Variants in U2SURP observed in about 807,000 individuals in gnomAD.
U2SURP encodes U2 snRNP associated SURP domain containing, also known as U2 snRNP-associated SURP motif-containing protein.
Under a neutral mutation model 144.9 loss-of-function variants are expected in U2SURP, and 9 were observed. The ratio of observed to expected loss-of-function variants is 0.06; its 90% confidence interval spans 0.04 to 0.11. The LOEUF is 0.11. Among genes scored for constraint, U2SURP ranks in the 10% least tolerant of loss-of-function variants. The pLI is 1.00. For missense variants in U2SURP, 724 were observed against 1,226.7 expected (o/e 0.59, Z 6.12); for synonymous variants, 408 against 396.8 (o/e 1.03, Z -0.33).
intron 1 of U2SURP, among the ~76,000 whole-genome samples, chr3:143,009,467 G>A (rs914747604): frequency 6.6e-6 from 1 of 152,160 alleles, no homozygotes; most frequent in East Asian, 1.9e-4. Context: ...GCATGGTGGT[G>A]CGTGCCTGTA....
chr3:143,013,087 CTT>C (rs893269193), intron 3 of U2SURP, among the ~76,000 whole-genome samples: 7 of 151,960 alleles, frequency 4.6e-5, no homozygotes, highest in African/African-American at 1.7e-4. Context: ...TGTAAACAAA[CTT>C]TTAAATGATT....
In U2SURP at chr3:143,056,510, T is replaced by C; in HGVS notation, c.*60T>C. 1.3e-6 allele frequency: 2 copies of C among 1,570,346 alleles called. No individual in the cohort carries two copies. The highest frequency in any genetic ancestry group is 1.7e-6 in the Non-Finnish European group (2 of 1,160,944). The stretch of plus-strand genomic sequence containing the variant: ...TGCGATTTGTTTTGTGCCTGAACGG[T>C]CTGTTTTTTAAAAAAACAAAAAATC... On this transcript the variant is annotated 3_prime_UTR_variant, in exon 28 of 28. Transcript: ENST00000473835.
intron 16 of U2SURP, among the ~76,000 whole-genome samples, chr3:143,031,166 G>A (rs1057006575): frequency 8.5e-5 from 13 of 152,180 alleles, no homozygotes; most frequent in African/African-American, 2.7e-4. Context: ...TCTTGAGATG[G>A]AATGTATTTC....
At chr3:143,011,002 T>G in intron 2 of U2SURP, 143 bp downstream of exon 2, 1 of 564,390 alleles carries the variant, frequency 1.8e-6, no homozygotes, top group Non-Finnish European at 3.0e-6. Context: ...CTAGGCGCCT[T>G]CCTTTTTTTT....
chr3:143,035,900 T>C (rs1452987604), intron 19 of U2SURP, 82 bp from the exon 20 acceptor site: 13 of 1,418,772 alleles, frequency 9.2e-6, no homozygotes, highest in Non-Finnish European at 1.2e-5. Flanking sequence ...ATTTAGCAAA[T>C]CTTGATGATC....
intron 16 of U2SURP, among the ~76,000 whole-genome samples, chr3:143,028,890 T>A (rs189298941): frequency 6.6e-5 from 10 of 152,332 alleles, no homozygotes; most frequent in Admixed American, 2.0e-4. Context: ...CATGATTGAC[T>A]TATTTCTTTA....
At chr3:143,036,573 G>A (rs1933821822) in intron 20 of U2SURP, among the ~76,000 whole-genome samples, 1 of 151,954 alleles carries the variant, frequency 6.6e-6, no homozygotes, top group Non-Finnish European at 1.5e-5. Context: ...AAGCTATTAT[G>A]TTTTCACTTT....
chr3:143,010,620 A>C (rs968899776), intron 1 of U2SURP, among the ~76,000 whole-genome samples, 195 bp from the exon 2 acceptor site: 1 of 152,220 alleles, frequency 6.6e-6, no homozygotes, highest in Non-Finnish European at 1.5e-5. Context: ...TGCAGGCTGA[A>C]TTTTAAAGAA....
chr3:143,045,606 T>C (rs1934391425), intron 24 of U2SURP, among the ~76,000 whole-genome samples: 1 of 152,228 alleles, frequency 6.6e-6, no homozygotes, highest in Admixed American at 6.5e-5. Flanking sequence ...CTTTCCACCT[T>C]GTATACGTAT....
At chr3:143,002,086 C>T (rs1935563768) in intron 1 of U2SURP, 1 of 237,164 alleles carries the variant, frequency 4.2e-6, no homozygotes, top group South Asian at 4.3e-5. Context: ...GGTTTTGGAT[C>T]TCACTCACTT....
chr3:143,004,353 GTTTTTTTTTTTTT>G (rs869186497), intron 1 of U2SURP, among the ~76,000 whole-genome samples: 31 of 83,432 alleles, frequency 3.7e-4, no homozygotes, highest in African/African-American at 6.7e-4. Context: ...TAGTTGGGGT[GTTTTTTTTTTTTT>G]TTTTTTTTTT....
Position 143,023,083 on chromosome 3 carries a change from A to G in U2SURP, c.1230+19A>G, listed in dbSNP as rs1167550265. 2 of 1,551,866 alleles carry G rather than the reference A, an allele frequency of 1.3e-6. No homozygotes were observed. The highest frequency in any genetic ancestry group is 1.7e-6 in the Non-Finnish European group (2 of 1,143,318). ...TGAGAAGGTAATTTAAAAAATGGAC[A>G]TAAGGCCGCATCTAATTTGTAAATA... is the stretch of plus-strand genomic sequence containing the variant. On this transcript the variant is annotated intron_variant, in intron 12 of 27. Transcript: ENST00000473835.
chr3:143,023,938 A>G, intron 12 of U2SURP, 37 bp from the exon 13 acceptor site: 2 of 1,601,108 alleles, frequency 1.2e-6, no homozygotes, highest in Non-Finnish European at 1.7e-6. Context: ...ATACTCACAT[A>G]TTCTATGTTT....
chr3:143,033,042 T>A, intron 17 of U2SURP, 96 bp downstream of exon 17: 1 of 1,355,566 alleles, frequency 7.4e-7, no homozygotes, highest in East Asian at 2.3e-5. Flanking sequence ...CTGATGAGAT[T>A]TTTCCCATGC....
chr3:143,044,915 G>A (rs1233204398), intron 24 of U2SURP, among the ~76,000 whole-genome samples: 1 of 152,208 alleles, frequency 6.6e-6, no homozygotes, highest in Non-Finnish European at 1.5e-5. Context: ...AAGTAGAGAT[G>A]AAGGATTTTC....
chr3:143,033,046 C>G (rs1933594439), intron 17 of U2SURP, 100 bp downstream of exon 17: 1 of 1,313,032 alleles, frequency 7.6e-7, no homozygotes, highest in African/African-American at 1.5e-5. Flanking sequence ...TGAGATTTTT[C>G]CCATGCAGTC....
chr3:143,026,782 C>G (rs1178189780), intron 13 of U2SURP: 2 of 155,098 alleles, frequency 1.3e-5, no homozygotes, highest in Non-Finnish European at 2.8e-5. Flanking sequence ...TAATAACATG[C>G]AGGCTCTAAG....
Position 143,034,914 on chromosome 3 carries a change from T to C in U2SURP, c.1880T>C (p.Phe627Ser). Residue 627 changes from phenylalanine to serine, a missense_variant, in exon 19 of 28, where the codon TTT (phenylalanine) becomes TCT (serine). By Grantham distance (155) the Phe-to-Ser change is radical. Around this residue, in one of 13 missense-constraint regions of U2SURP, gnomAD observed 116 missense variants for 167.9 expected, o/e 0.69. Coordinates refer to ENST00000473835, the MANE Select transcript of U2SURP (RefSeq NM_001080415.2). The part of the protein sequence containing the change: ...KFFETKLCQI[F>S]SDLNATYRTI... ...TTTGAAACAAAGTTATGTCAGATAT[T>C]TTCAGACCTCAATGCCACCTATCGT... 1 of 1,605,324 alleles carries C rather than the reference T, an allele frequency of 6.2e-7. No homozygotes were observed. Among genetic ancestry groups the C allele is most frequent in the Non-Finnish European group, 8.5e-7 (1 of 1,174,846 alleles).
intron 8 of U2SURP, 140 bp downstream of exon 8, chr3:143,020,833 A>G (rs1454262201): frequency 2.9e-5 from 18 of 623,778 alleles, no homozygotes; most frequent in Non-Finnish European, 1.4e-5. Flanking sequence ...TTACACATTC[A>G]TAGCTGTGGT....
Sources: allele counts gnomAD v4.1 joint callset (sites outside exome capture counted in the v4.1 genomes callset), GRCh38; gene constraint gnomAD v4.1.1; regional missense constraint gnomAD v4.1.1; transcripts MANE v1.5; gene names NCBI Gene and HGNC (gene_info 2026-07-23, HGNC 2026-07-21).